The following UTY variants were observed in gnomAD, a reference collection of about 807,000 sequenced individuals.
UTY encodes ubiquitously transcribed tetratricopeptide repeat containing, Y-linked.
In UTY, 12 loss-of-function variants were observed where a neutral mutation model predicts 32.5. The ratio of observed to expected loss-of-function variants is 0.37; its 90% confidence interval spans 0.24 to 0.60. The LOEUF (loss-of-function observed/expected upper bound fraction) is 0.60. Ranked by LOEUF, UTY falls within the 20% of genes least tolerant of loss-of-function variation. The pLI is 0.69. For synonymous variants in UTY, 131 were observed against 103.4 expected (o/e 1.27, Z -1.62); for missense variants, 303 against 299.2 (o/e 1.01, Z -0.09).
chrY:13,274,286 A>G lies in UTY; in HGVS notation c.4011-13882T>C, dbSNP rs745757894. Among the ~76,000 whole-genome samples the G allele has an allele frequency of 2.7e-4, 9 of 33,094 alleles. No individual in the cohort carries two copies. In the East Asian group the frequency reaches 7.1e-3, roughly 26 times the overall value. The allele number at this position is 33,094 out of a possible 37,273, so 88.8% of individuals were successfully genotyped here. A position where few individuals can be genotyped will look rare whatever the true frequency, so the allele number is the denominator to read the frequency against. ...CTCCCCTAGCCCCCGACTCCTTGACAGGCCCTTCCCTGTGTCCATGTGTTC... is the reference window on the plus strand; with the variant it reads ...CTCCCCTAGCCCCCGACTCCTTGACGGGCCCTTCCCTGTGTCCATGTGTTC... On this transcript the variant is annotated intron_variant, in intron 27 of 29. Coordinates refer to ENST00000545955, the MANE Select transcript of UTY (RefSeq NM_001258249.2).
chrY:13,475,692 C>A (rs2078982187), intron 2 of UTY, among the ~76,000 whole-genome samples: 2 of 33,582 alleles, frequency 6.0e-5, no homozygotes, highest in African/African-American at 2.3e-4. Flanking sequence ...CAAATGTTCC[C>A]TAGTTATTTC....
At chrY:13,247,437 C>T, downstream of UTY, among the ~76,000 whole-genome samples, 2 of 33,424 alleles carry the variant, frequency 6.0e-5, no homozygotes, top group African/African-American at 2.3e-4. Context: ...TGCCTGTAAT[C>T]TCAGCATTTG....
At chrY:13,347,977 G>A in intron 17 of UTY, among the ~76,000 whole-genome samples, 1 of 33,200 alleles carries the variant, frequency 3.0e-5, no homozygotes, top group African/African-American at 1.2e-4. Flanking sequence ...CTTTCAGGAA[G>A]GACAGTCTCT....
chrY:13,410,159 T>A, intron 6 of UTY, among the ~76,000 whole-genome samples: 1 of 33,614 alleles, frequency 3.0e-5, no homozygotes, highest in Non-Finnish European at 7.4e-5. Flanking sequence ...TCTGTGTTAG[T>A]GAGTTCAAAG....
At chrY:13,247,153 T>C, downstream of UTY, among the ~76,000 whole-genome samples, 1 of 32,899 alleles carries the variant, frequency 3.0e-5, no homozygotes, top group Non-Finnish European at 7.4e-5. Flanking sequence ...TAGGGTCAGC[T>C]TGAGCAACTT....
intron 21 of UTY, among the ~76,000 whole-genome samples, chrY:13,321,359 A>C (rs945715362): frequency 3.0e-5 from 1 of 32,983 alleles, no homozygotes; most frequent in Non-Finnish European, 7.5e-5. Context: ...GACACCAGAG[A>C]CTCATTTTCT....
At chrY:13,259,423 G>A (rs2055108587) in intron 28 of UTY, among the ~76,000 whole-genome samples, 1 of 34,054 alleles carries the variant, frequency 2.9e-5, no homozygotes, top group Non-Finnish European at 7.3e-5. Context: ...AAACTTAAAA[G>A]TTTTCGTTTA....
At chrY:13,299,703 G>C in intron 25 of UTY, among the ~76,000 whole-genome samples, 1 of 33,282 alleles carries the variant, frequency 3.0e-5, no homozygotes, top group Non-Finnish European at 7.4e-5. Flanking sequence ...GCTTGGGCTA[G>C]GGTCCTGAGA....
intron 28 of UTY, among the ~76,000 whole-genome samples, chrY:13,238,004 C>T: frequency 5.9e-5 from 2 of 33,664 alleles, no homozygotes; most frequent in Admixed American, 2.6e-4. Flanking sequence ...ACATGTGAGC[C>T]AAAGCTGCTA....
At chrY:13,377,080 C>A (rs1009468061) in intron 8 of UTY, among the ~76,000 whole-genome samples, 5 of 33,076 alleles carry the variant, frequency 1.5e-4, no homozygotes, top group Admixed American at 2.8e-4. Flanking sequence ...AAGATCTCAG[C>A]AAAGAAATAC....
chrY:13,245,884 A>G (rs2053942223), downstream of UTY, among the ~76,000 whole-genome samples: 1 of 33,893 alleles, frequency 3.0e-5, no homozygotes, highest in Admixed American at 2.7e-4. Flanking sequence ...TTACGCAGCT[A>G]ATGTCTTAGT....
intron 10 of UTY, among the ~76,000 whole-genome samples, chrY:13,364,625 C>T (rs2063914165): frequency 3.0e-5 from 1 of 33,424 alleles, no homozygotes; most frequent in Admixed American, 2.7e-4. Context: ...AACCACTATA[C>T]CTGGCCTCAA....
chrY:13,354,817 A>C (rs2062686910), intron 17 of UTY, 186 bp downstream of exon 17: 43 of 346,920 alleles, frequency 1.2e-4, no homozygotes, highest in Non-Finnish European at 1.6e-4. Context: ...GAAACCTGTA[A>C]GATGTCCAAG....
At chrY:13,237,162 C>G in intron 28 of UTY, among the ~76,000 whole-genome samples, 1 of 33,926 alleles carries the variant, frequency 2.9e-5, no homozygotes, top group Admixed American at 2.6e-4. Context: ...TGAATGAGTT[C>G]TGCATGATCA....
chrY:13,319,865 C>A, intron 21 of UTY, among the ~76,000 whole-genome samples: 2 of 33,418 alleles, frequency 6.0e-5, no homozygotes, highest in African/African-American at 1.2e-4. Context: ...TATCCTCAAT[C>A]AAATAATGAA....
intron 4 of UTY, among the ~76,000 whole-genome samples, chrY:13,424,190 G>A (rs927617534): frequency 3.0e-5 from 1 of 33,075 alleles, no homozygotes; most frequent in African/African-American, 1.2e-4. Context: ...GACAGATCAC[G>A]AGGTCGGGAG....
intron 21 of UTY, among the ~76,000 whole-genome samples, chrY:13,317,568 G>A (rs767993128): frequency 3.0e-5 from 1 of 33,203 alleles, no homozygotes; most frequent in South Asian, 6.6e-4. Flanking sequence ...TCAATTAGGC[G>A]AAATCTTTTT....
intron 21 of UTY, among the ~76,000 whole-genome samples, chrY:13,312,752 C>T (rs777845001): frequency 2.6e-4 from 8 of 31,320 alleles, no homozygotes; most frequent in Non-Finnish European, 6.2e-4. Context: ...AATGAAAGTC[C>T]GTCTCAGAAA....
At chrY:13,404,791 T>C in intron 6 of UTY, among the ~76,000 whole-genome samples, 1 of 33,026 alleles carries the variant, frequency 3.0e-5, no homozygotes, top group Non-Finnish European at 7.5e-5. Context: ...GATCCGGCTA[T>C]AGAGAAAGGG....
Sources: allele counts gnomAD v4.1 joint callset (sites outside exome capture counted in the v4.1 genomes callset), GRCh38; gene constraint gnomAD v4.1.1; transcripts MANE v1.5; gene names NCBI Gene and HGNC (gene_info 2026-07-23, HGNC 2026-07-21).